DOCK8: variants seen among roughly 807,000 people sequenced by gnomAD.
DOCK8 encodes dedicator of cytokinesis protein 8.
A neutral mutation model predicts 245.6 loss-of-function variants in DOCK8; 141 were observed. The observed-to-expected ratio is 0.57, with a 90% CI of 0.50 to 0.66. The LOEUF (loss-of-function observed/expected upper bound fraction) is 0.66. Among genes scored for constraint, DOCK8 ranks in the 30% least tolerant of loss-of-function variants. The pLI is 0.00. For synonymous variants in DOCK8, 1,168 were observed against 970.2 expected (o/e 1.20, Z -3.79); for missense variants, 2,965 against 2,603.4 (o/e 1.14, Z -3.02).
At chr9:244,292 A>G (rs962461292) in intron 1 of DOCK8, among the ~76,000 whole-genome samples, 1 of 151,698 alleles carries the variant, frequency 6.6e-6, no homozygotes, top group African/African-American at 2.4e-5. Context: ...ACACACACAC[A>G]CGCACACACA....
At chr9:347,121 C>G (rs1375345690) in intron 14 of DOCK8, among the ~76,000 whole-genome samples, 1 of 152,132 alleles carries the variant, frequency 6.6e-6, no homozygotes, top group Non-Finnish European at 1.5e-5. Context: ...CTGACACTCT[C>G]TTTTGTTCAA....
intron 9 of DOCK8, among the ~76,000 whole-genome samples, chr9:330,361 T>A (rs1034890882): frequency 2.6e-5 from 4 of 152,182 alleles, no homozygotes; most frequent in Non-Finnish European, 5.9e-5. Context: ...GGCCACATAG[T>A]TTGAGAAAAC....
chr9:443,734 G>A (rs1477755096), intron 43 of DOCK8, among the ~76,000 whole-genome samples: 1 of 152,190 alleles, frequency 6.6e-6, no homozygotes, highest in Non-Finnish European at 1.5e-5. Context: ...AGCACCAACT[G>A]TGTACCTGGA....
chr9:372,350 A>C, intron 18 of DOCK8, 64 bp downstream of exon 18: 1 of 1,321,436 alleles, frequency 7.6e-7, no homozygotes. Flanking sequence ...ACCTTCCCAG[A>C]CTCACTTTCC....
At chr9:458,793 A>G (rs2057718589) in intron 46 of DOCK8, among the ~76,000 whole-genome samples, 1 of 152,166 alleles carries the variant, frequency 6.6e-6, no homozygotes, top group African/African-American at 2.4e-5. Context: ...CCTGCATGAC[A>G]GAATGAGATC....
chr9:386,574 G>C (rs1270081164), intron 23 of DOCK8, 148 bp downstream of exon 23: 11 of 709,462 alleles, frequency 1.6e-5, no homozygotes, highest in Non-Finnish European at 2.7e-5. Context: ...CACTTTTGCA[G>C]CCCTGTCCTT....
Position 420,973 on chromosome 9 carries a change from A to G in DOCK8, c.4048A>G (p.Ser1350Gly), listed in dbSNP as rs2056251634. The G allele has an allele frequency of 5.0e-6, 8 of 1,614,124 alleles. No individual in the cohort carries two copies. The highest frequency in any genetic ancestry group is 4.5e-5 in the East Asian group (2 of 44,890). The change falls in exon 32 of 48, where the codon AGT (serine) becomes GGT (glycine). Residue 1350 changes from serine to glycine, a missense_variant. Physicochemically the swap from Ser to Gly is moderately conservative, Grantham distance 56 (BLOSUM62 0). Around this residue, in one of 3 missense-constraint regions of DOCK8, gnomAD observed 2,825 missense variants for 2,453.5 expected, o/e 1.15. Transcript: ENST00000432829. Reference protein sequence around the residue: ...YKGKQSSDKVSTQVLQKSRDV... With the variant: ...YKGKQSSDKVGTQVLQKSRDV... ...GGGAAAACAGAGTTCTGACAAAGTC[A>G]GTACCCAAGTCCTGCAGAAGTCAAG... is the stretch of plus-strand genomic sequence containing the variant.
chr9:280,283 A>C (rs575987143), intron 2 of DOCK8, among the ~76,000 whole-genome samples: 21 of 152,352 alleles, frequency 1.4e-4, no homozygotes, highest in Non-Finnish European at 1.5e-4. Context: ...AGCCTTCACT[A>C]GAGAAGTATT....
chr9:288,614 A>G (rs2048919392), intron 3 of DOCK8, among the ~76,000 whole-genome samples: 1 of 152,200 alleles, frequency 6.6e-6, no homozygotes, highest in South Asian at 2.1e-4. Flanking sequence ...TTTGCACACT[A>G]ACCGATTTAA....
intron 1 of DOCK8, among the ~76,000 whole-genome samples, chr9:253,004 T>C (rs1045299897): frequency 6.6e-6 from 1 of 152,162 alleles, no homozygotes; most frequent in African/African-American, 2.4e-5. Context: ...TGATTCAAAA[T>C]GTTTTTTCGG....
At chr9:391,780 T>G (rs979033225) in intron 24 of DOCK8, among the ~76,000 whole-genome samples, 11 of 151,724 alleles carry the variant, frequency 7.3e-5, no homozygotes, top group African/African-American at 2.2e-4. Context: ...AATGTTAGCT[T>G]TATATTCATT....
chr9:285,703 A>G (rs1303854668), intron 2 of DOCK8, among the ~76,000 whole-genome samples: 1 of 152,134 alleles, frequency 6.6e-6, no homozygotes, highest in African/African-American at 2.4e-5. Flanking sequence ...ATTACCATCA[A>G]TTTCTATTAT....
intron 38 of DOCK8, 42 bp downstream of exon 38, chr9:434,017 C>G (rs181705526): frequency 2.8e-6 from 4 of 1,442,138 alleles, no homozygotes; most frequent in Non-Finnish European, 2.9e-6. Context: ...ATTTGGGGGT[C>G]GAGGATTTGT....
intron 7 of DOCK8, among the ~76,000 whole-genome samples, chr9:323,110 A>G (rs1436268464): frequency 6.7e-6 from 1 of 149,352 alleles, no homozygotes; most frequent in East Asian, 1.9e-4. Context: ...AAAAAAAAAG[A>G]AAGCCCCCAA....
At chr9:307,653 C>T (rs1389680909) in intron 5 of DOCK8, among the ~76,000 whole-genome samples, 5 of 152,080 alleles carry the variant, frequency 3.3e-5, no homozygotes, top group African/African-American at 7.2e-5. Context: ...CCACCGCACC[C>T]GGCCCACTGT....
In DOCK8 at chr9:262,783, G is replaced by C. The variant is rs530044307; in HGVS notation, c.54-8844G>C. Among the ~76,000 whole-genome samples, 3 of 152,226 alleles carry C rather than the reference G, an allele frequency of 2.0e-5. No homozygotes were observed. In the East Asian group the frequency reaches 5.8e-4, roughly 29 times the overall value. The stretch of plus-strand genomic sequence containing the variant: ...TAATTGTATACTTTAAATATGTGCA[G>C]TTCATTGCCAGCTAATTATACTCAA... On this transcript the variant is annotated intron_variant, in intron 1 of 47. Coordinates refer to ENST00000432829, the MANE Select transcript of DOCK8 (RefSeq NM_203447.4).
Position 368,129 on chromosome 9 carries a change from G to T in DOCK8, c.1791G>T (p.Ala597=). 6.2e-7 allele frequency: 1 copy of T among 1,613,602 alleles called. No individual in the cohort carries two copies. The highest frequency in any genetic ancestry group is 8.5e-7 in the Non-Finnish European group (1 of 1,179,508). ...QFMCGEDASN[A]MPVIFGKSSG... is the part of the protein sequence containing the mutation. ...TGTGTGGAGAAGATGCTAGCAATGC[G>T]ATGCCGGTAAGGAGGGAAACGAACA... The change falls in exon 15 of 48, where the codon GCG becomes GCT. Residue 597 remains alanine, a synonymous_variant. Coordinates refer to ENST00000432829, the MANE Select transcript of DOCK8 (RefSeq NM_203447.4).
At chr9:447,899 G>T (rs2057314324) in intron 44 of DOCK8, among the ~76,000 whole-genome samples, 1 of 152,218 alleles carries the variant, frequency 6.6e-6, no homozygotes, top group Admixed American at 6.5e-5. Flanking sequence ...GAGGAGGTGG[G>T]TTTAGAAGCC....
chr9:300,888 A>C (rs904755910), intron 4 of DOCK8, among the ~76,000 whole-genome samples: 2 of 152,188 alleles, frequency 1.3e-5, no homozygotes, highest in Non-Finnish European at 2.9e-5. Context: ...AATCAGATGG[A>C]TTCACAGCCA....
Sources: allele counts gnomAD v4.1 joint callset (sites outside exome capture counted in the v4.1 genomes callset), GRCh38; gene constraint gnomAD v4.1.1; regional missense constraint gnomAD v4.1.1; transcripts MANE v1.5; gene names NCBI Gene and HGNC (gene_info 2026-07-23, HGNC 2026-07-21).